Variants in GNAQ observed in about 807,000 individuals in gnomAD.
GNAQ encodes the protein guanine nucleotide-binding protein G(q) subunit alpha.
Under a neutral mutation model 43.9 loss-of-function variants are expected in GNAQ, and 8 were observed. That is an observed-to-expected ratio of 0.18 (90% CI 0.11 to 0.33). The LOEUF is 0.33. GNAQ is among the 10% of genes least tolerant of loss of function. The pLI is 1.00. For synonymous variants in GNAQ, 155 were observed against 170.7 expected (o/e 0.91, Z 0.71); for missense variants, 158 against 450.8 (o/e 0.35, Z 5.88).
At chr9:77,936,460 A>G (rs537007688) in intron 1 of GNAQ, among the ~76,000 whole-genome samples, 1 of 152,294 alleles carries the variant, frequency 6.6e-6, no homozygotes, top group Non-Finnish European at 1.5e-5. Context: ...TCAGAAACCA[A>G]CTGTCTTATA....
chr9:77,866,670 AAG>A (rs1827955130), intron 2 of GNAQ, among the ~76,000 whole-genome samples: 1 of 152,192 alleles, frequency 6.6e-6, no homozygotes, highest in Admixed American at 6.5e-5. Flanking sequence ...GAGTTATAAA[AAG>A]AATATAAAAA....
In GNAQ at chr9:77,731,918, T is replaced by C. The variant is rs570725699; in HGVS notation, c.736-3251A>G. On this transcript the variant is annotated intron_variant, in intron 5 of 6. Transcript: ENST00000286548. ...CCCCCAATTAAGATTCTTTATGCTA[T>C]GCTATATGATGTTTTCCATAGTAAA... is the stretch of plus-strand genomic sequence containing the variant. Among the ~76,000 whole-genome samples, 124 of 152,316 alleles carry C rather than the reference T, an allele frequency of 8.1e-4. 1 individual carries two copies. The highest frequency in any genetic ancestry group is 1.2e-4 in the Non-Finnish European group (8 of 68,018).
At chr9:77,885,645 T>C (rs933638577) in intron 2 of GNAQ, among the ~76,000 whole-genome samples, 5 of 152,112 alleles carry the variant, frequency 3.3e-5, no homozygotes, top group Non-Finnish European at 5.9e-5. Context: ...GCCCCAAATC[T>C]GAGGTTACTG....
At chr9:77,925,036 T>C (rs1035152454) in intron 1 of GNAQ, among the ~76,000 whole-genome samples, 31 of 152,146 alleles carry the variant, frequency 2.0e-4, no homozygotes, top group African/African-American at 6.0e-4. Context: ...CTTCAAAAGG[T>C]CCCAGCTCCT....
At chr9:77,845,297 C>T (rs1827566430) in intron 2 of GNAQ, among the ~76,000 whole-genome samples, 1 of 151,952 alleles carries the variant, frequency 6.6e-6, no homozygotes, top group African/African-American at 2.4e-5. Context: ...AATTGTTGAA[C>T]CTAAGTTGGA....
intron 5 of GNAQ, among the ~76,000 whole-genome samples, chr9:77,743,076 G>A (rs1009176209): frequency 6.6e-6 from 1 of 152,146 alleles, no homozygotes. Context: ...TGGCTAACAC[G>A]GTGAAACCCC....
chr9:77,946,567 G>C (rs1298974290), intron 1 of GNAQ, among the ~76,000 whole-genome samples: 1 of 152,190 alleles, frequency 6.6e-6, no homozygotes, highest in Admixed American at 6.5e-5. Context: ...TGACCCAGCA[G>C]TCGTGCTCCA....
At position 77,717,174 on chromosome 9, in the gene GNAQ, C is replaced by G. The variant is rs926811785; in HGVS notation, c.*4149G>C. ...AGAGATAGATAAACATACAATATTA[C>G]TAGTTTTATTTTTTTGTGTTTCTAA... is the stretch of plus-strand genomic sequence containing the variant. On this transcript the variant is annotated 3_prime_UTR_variant, in exon 7 of 7. Coordinates refer to ENST00000286548, the MANE Select transcript of GNAQ (RefSeq NM_002072.5). 1 of 232,012 alleles carries G rather than the reference C, an allele frequency of 4.3e-6. No individual in the cohort carries two copies. Among genetic ancestry groups the G allele is most frequent in the East Asian group, 6.1e-5 (1 of 16,320 alleles). 14.4% of individuals were successfully genotyped at this position (232,012 alleles called of 1,614,324 possible). A position where few individuals can be genotyped will look rare whatever the true frequency, so the allele number is the denominator to read the frequency against.
At chr9:77,729,815 C>T (rs1825460107) in intron 5 of GNAQ, among the ~76,000 whole-genome samples, 2 of 152,162 alleles carry the variant, frequency 1.3e-5, no homozygotes, top group Admixed American at 1.3e-4. Context: ...GTGGCGTACA[C>T]CAGAGCATCC....
intron 2 of GNAQ, among the ~76,000 whole-genome samples, chr9:77,920,547 C>T (rs1828981118): frequency 6.6e-6 from 1 of 152,106 alleles, no homozygotes; most frequent in Admixed American, 6.5e-5. Flanking sequence ...TACAAGGAAA[C>T]AAGCATGCTA....
At chr9:77,858,006 T>C (rs1827787958) in intron 2 of GNAQ, among the ~76,000 whole-genome samples, 1 of 152,116 alleles carries the variant, frequency 6.6e-6, no homozygotes, top group South Asian at 2.1e-4. Context: ...GTCCCTGATT[T>C]ACAAAGCGTC....
intron 5 of GNAQ, among the ~76,000 whole-genome samples, chr9:77,754,530 G>C (rs1825868102): frequency 6.6e-6 from 1 of 152,242 alleles, no homozygotes; most frequent in South Asian, 2.1e-4. Context: ...CCCTTGTTCT[G>C]TCATAATCAC....
chr9:77,909,697 A>C (rs1828768453), intron 2 of GNAQ, among the ~76,000 whole-genome samples: 1 of 151,480 alleles, frequency 6.6e-6, no homozygotes, highest in South Asian at 2.1e-4. Flanking sequence ...AAAAAAAAAA[A>C]CAACAACTGC....
chr9:77,763,152 A>C lies in GNAQ; in HGVS notation c.735+31311T>G, dbSNP rs1290902574. Among the ~76,000 whole-genome samples, 3 of 151,068 alleles carry C rather than the reference A, an allele frequency of 2.0e-5. No individual in the cohort carries two copies. In the East Asian group the frequency reaches 5.8e-4, roughly 29 times the overall value. ...AACAAACAAACAAACAAAAAAAAAA[A>C]AAACAAAGGAAAAGGTAAGTGCCAG... On this transcript the variant is annotated intron_variant, in intron 5 of 6. Transcript: ENST00000286548.
chr9:77,972,407 T>A (rs1248157589), intron 1 of GNAQ, among the ~76,000 whole-genome samples: 1 of 148,492 alleles, frequency 6.7e-6, no homozygotes, highest in African/African-American at 2.5e-5. Context: ...AAGTTTCTCA[T>A]ACTGTTTTTT....
intron 1 of GNAQ, among the ~76,000 whole-genome samples, chr9:78,025,192 C>T (rs1448559412): frequency 6.6e-6 from 1 of 152,070 alleles, no homozygotes; most frequent in African/African-American, 2.4e-5. Flanking sequence ...TTTTACATAT[C>T]GGTAATGTAA....
chr9:77,762,580 AC>A (rs1347205758), intron 5 of GNAQ, among the ~76,000 whole-genome samples: 1 of 147,708 alleles, frequency 6.8e-6, no homozygotes, highest in Admixed American at 6.7e-5. Flanking sequence ...CCCGGCCACC[AC>A]CCCATCTGGG....
intron 1 of GNAQ, among the ~76,000 whole-genome samples, chr9:77,972,866 T>C (rs1357401655): frequency 2.6e-5 from 4 of 151,690 alleles, no homozygotes; most frequent in African/African-American, 9.7e-5. Flanking sequence ...GGCAGGAGAA[T>C]TGCTGGAACC....
At chr9:77,928,973 G>A (rs1219099209) in intron 1 of GNAQ, among the ~76,000 whole-genome samples, 2 of 152,112 alleles carry the variant, frequency 1.3e-5, no homozygotes, top group African/African-American at 4.8e-5. Flanking sequence ...AGCTGAGATC[G>A]CATCATTGCA....
Sources: allele counts gnomAD v4.1 joint callset (sites outside exome capture counted in the v4.1 genomes callset), GRCh38; gene constraint gnomAD v4.1.1; transcripts MANE v1.5; gene names NCBI Gene and HGNC (gene_info 2026-07-23, HGNC 2026-07-21).